The following ZNF30 variants were observed in gnomAD, a reference collection of about 807,000 sequenced individuals.
The protein encoded by ZNF30 is zinc finger protein 30 (KOX 28).
ZNF30 carries 15 observed loss-of-function variants against 13.2 expected under a neutral mutation model. The ratio of observed to expected loss-of-function variants is 1.13; its 90% CI spans 0.76 to 1.75. The LOEUF (loss-of-function observed/expected upper bound fraction) is 1.75, where lower values mean the gene tolerates loss of function less well. Among genes scored for constraint, ZNF30 ranks in the 40% most tolerant of loss-of-function variants. The pLI is 0.00. For missense variants in ZNF30, 726 were observed against 757.0 expected (o/e 0.96, Z 0.48); for synonymous variants, 223 against 256.6 (o/e 0.87, Z 1.25).
rs921249374 is a variant in ZNF30 at position 34,927,219 on chromosome 19, G to A, written c.-65+3G>A. On this transcript the variant is annotated splice_donor_region_variant and intron_variant, in intron 1 of 4. Transcript: ENST00000601142. ...GCGGAACCCGGACTGAGACATGCGTGAGCGTTGGGTGGACCGGGCGAGGAT... is the reference window on the plus strand; with the variant it reads ...GCGGAACCCGGACTGAGACATGCGTAAGCGTTGGGTGGACCGGGCGAGGAT... 29 of 382,784 alleles carry A rather than the reference G, an allele frequency of 7.6e-5. No individual in the cohort carries two copies. Among genetic ancestry groups the A allele is most frequent in the African/African-American group, 6.0e-4 (29 of 48,162 alleles). The allele number at this position is 382,784 out of a possible 1,614,324, so 23.7% of individuals were successfully genotyped here.
chr19:34,944,113 C>A lies in ZNF30; in HGVS notation c.1147C>A (p.Arg383Ser), dbSNP rs549289579. The change falls in exon 5 of 5, where the codon CGT becomes AGT. Residue 383 changes from arginine to serine, a missense_variant. Transcript: ENST00000601142. ...GCKECGRTFS[R>S]ASYLVQHGRL... ...CAAGGAATGCGGGAGAACCTTCAGT[C>A]GTGCCTCATATCTTGTTCAACATGG... 1 of 1,613,262 alleles carries A rather than the reference C, an allele frequency of 6.2e-7. No individual in the cohort carries two copies. The highest frequency in any genetic ancestry group is 8.5e-7 in the Non-Finnish European group (1 of 1,179,618).
chr19:34,941,894 A>G (rs10422037), intron 4 of ZNF30, among the ~76,000 whole-genome samples: 30,652 of 152,084 alleles, frequency 0.2, 3,291 homozygotes, highest in East Asian at 0.38. Context: ...ATCAGCAGAT[A>G]TCTAATGTCT....
At chr19:34,931,730 C>A in intron 2 of ZNF30, 113 bp from the exon 3 acceptor site, 1 of 1,067,514 alleles carries the variant, frequency 9.4e-7, no homozygotes, top group Non-Finnish European at 1.3e-6. Flanking sequence ...CATCCACTTG[C>A]CACATCATAA....
At chr19:34,926,605 G>A (rs2151659685), upstream of ZNF30, 2 of 182,756 alleles carry the variant, frequency 1.1e-5, no homozygotes, top group East Asian at 1.3e-4. Context: ...TTTCTGTAGC[G>A]AAAAGCAAAC....
intron 2 of ZNF30, among the ~76,000 whole-genome samples, chr19:34,931,202 TA>T (rs2012434446): frequency 1.3e-5 from 2 of 152,096 alleles, no homozygotes; most frequent in Admixed American, 1.3e-4. Flanking sequence ...AACGCCCAGC[TA>T]ATTTTTGTAT....
upstream of ZNF30, among the ~76,000 whole-genome samples, chr19:34,925,464 C>T (rs1600211057): frequency 6.6e-6 from 1 of 152,228 alleles, no homozygotes; most frequent in East Asian, 1.9e-4. Context: ...ACTCCGCGTC[C>T]TTCTGGTGGG....
upstream of ZNF30, among the ~76,000 whole-genome samples, chr19:34,925,214 C>T (rs1343036741): frequency 2.6e-5 from 4 of 152,190 alleles, no homozygotes; most frequent in African/African-American, 9.7e-5. Context: ...TGTCCGCAGG[C>T]GGCTTATGTT....
rs1039596431 is a variant in ZNF30, at chr19:34,931,994, G to A, written c.160+1G>A. The A allele has an allele frequency of 1.1e-5, 17 of 1,587,274 alleles. No homozygotes were observed. Among genetic ancestry groups the A allele is most frequent in the Non-Finnish European group, 1.3e-5 (15 of 1,170,336 alleles). The stretch of plus-strand genomic sequence containing the variant: ...AACTACAGGAACTTGGTGTCAATGG[G>A]TAAGTGTACTTCTCTCAAATAATTG... On this transcript the variant is annotated splice_donor_variant, in intron 3 of 4. Coordinates refer to ENST00000601142, the MANE Select transcript of ZNF30 (RefSeq NM_194325.3). LOFTEE classifies it high-confidence loss of function.
chr19:34,926,683 T>C (rs1001430193), upstream of ZNF30: 6 of 342,528 alleles, frequency 1.8e-5, no homozygotes, highest in Non-Finnish European at 3.1e-5. Flanking sequence ...CATATTTTGG[T>C]ATAGATTATC....
intron 4 of ZNF30, among the ~76,000 whole-genome samples, chr19:34,939,690 T>C (rs2012938291): frequency 6.6e-6 from 1 of 152,156 alleles, no homozygotes; most frequent in South Asian, 2.1e-4. Flanking sequence ...GGTGTGCAGG[T>C]TTTCGAGCAA....
Position 34,931,863 on chromosome 19 carries a change from T to A in ZNF30, c.30T>A (p.Tyr10Ter). Residue 10 changes from tyrosine (Y) to a stop codon, truncating the protein, a stop_gained, in exon 3 of 5, where the codon TAT (tyrosine) becomes TAA (stop). Coordinates refer to ENST00000601142, the MANE Select transcript of ZNF30 (RefSeq NM_194325.3). LOFTEE classifies it high-confidence loss of function. ...ACCAGAAATATGTGGGTTTGCAGTATCACGGATCAGTGACATTTGAGGATG... is the reference window on the plus strand; with the variant it reads ...ACCAGAAATATGTGGGTTTGCAGTAACACGGATCAGTGACATTTGAGGATG... Reference protein sequence around the residue: MAHKYVGLQYHGSVTFEDVA... With the variant: MAHKYVGLQ 1 of 1,611,930 alleles carries A rather than the reference T, an allele frequency of 6.2e-7. No individual in the cohort carries two copies.
chr19:34,928,540 T>G (rs1028022103), intron 1 of ZNF30, among the ~76,000 whole-genome samples: 2 of 151,974 alleles, frequency 1.3e-5, no homozygotes, highest in African/African-American at 4.8e-5. Flanking sequence ...TTGCTATTAC[T>G]CAATTATGGT....
At position 34,933,660 on chromosome 19, in the gene ZNF30, T is replaced by TTATTGGAAC. The variant is rs1354833515; in HGVS notation, c.194_202dup (p.Leu65_Glu67dup). The TTATTGGAAC allele has an allele frequency of 1.2e-6, 2 of 1,601,872 alleles. No individual in the cohort carries two copies. The highest frequency in any genetic ancestry group is 2.3e-5 in the South Asian group (2 of 88,392). On this transcript the variant is annotated inframe_insertion, in exon 4 of 5. Transcript: ENST00000601142. ...CCGTTCTAAACCACATGTGATCGCC[T>TTATTGGAAC]TATTGGAACAATGGAAAGAGCCTGA...
chr19:34,936,050 G>A (rs998443090), intron 4 of ZNF30, among the ~76,000 whole-genome samples: 1 of 152,170 alleles, frequency 6.6e-6, no homozygotes, highest in African/African-American at 2.4e-5. Flanking sequence ...ACAGTATGGG[G>A]GAAACCGCCC....
In ZNF30 at chr19:34,926,918, G is replaced by A. The variant is rs560773718; in HGVS notation, c.-363G>A. On this transcript the variant is annotated 5_prime_UTR_variant, in exon 1 of 5. Transcript: ENST00000601142. ...GGTGGGCGGCCTTGTGGACTGCGCC[G>A]GGCATGCTCGGCGGTGTGACGGCTC... The A allele has an allele frequency of 1.8e-3, 731 of 398,348 alleles. 4 individuals carry two copies. Among genetic ancestry groups the A allele is most frequent in the African/African-American group, 0.012 (595 of 48,724 alleles). 24.7% of individuals were successfully genotyped at this position (398,348 alleles called of 1,614,324 possible). A position where few individuals can be genotyped will look rare whatever the true frequency, so the allele number is the denominator to read the frequency against.
upstream of ZNF30, among the ~76,000 whole-genome samples, chr19:34,926,017 T>G (rs1600211569): frequency 6.6e-6 from 1 of 152,078 alleles, no homozygotes; most frequent in South Asian, 2.1e-4. Flanking sequence ...ACAAAAAATA[T>G]ACAAAAATTA....
At position 34,944,538 on chromosome 19, in the gene ZNF30, C is replaced by T; in HGVS notation, c.1572C>T (p.Gly524=). Residue 524 remains glycine, a synonymous_variant, in exon 5 of 5, where the codon GGC becomes GGT. Coordinates refer to ENST00000601142, the MANE Select transcript of ZNF30 (RefSeq NM_194325.3). ...CKECGKAFSS[G]SYLVQHQRIH... is the part of the protein sequence containing the mutation. ...AGTGTGGCAAGGCCTTCAGTTCTGGCTCATACCTTGTTCAGCATCAAAGAA... is the reference window on the plus strand; with the variant it reads ...AGTGTGGCAAGGCCTTCAGTTCTGGTTCATACCTTGTTCAGCATCAAAGAA... The T allele has an allele frequency of 6.2e-7, 1 of 1,614,148 alleles. No individual in the cohort carries two copies. Among genetic ancestry groups the T allele is most frequent in the East Asian group, 2.2e-5 (1 of 44,884 alleles).
chr19:34,943,119 T>G, intron 4 of ZNF30, 104 bp from the exon 5 acceptor site: 3 of 787,080 alleles, frequency 3.8e-6, no homozygotes, highest in Non-Finnish European at 5.7e-6. Context: ...TTAATATTAC[T>G]GAGCTATTTA....
Position 34,944,118 on chromosome 19 carries a change from C to T in ZNF30, c.1152C>T (p.Ala384=), listed in dbSNP as rs1293372297. The T allele has an allele frequency of 1.2e-6, 2 of 1,613,650 alleles. No homozygotes were observed. The highest frequency in any genetic ancestry group is 2.2e-5 in the South Asian group (2 of 91,062). ...CKECGRTFSR[A]SYLVQHGRLH... ...AATGCGGGAGAACCTTCAGTCGTGC[C>T]TCATATCTTGTTCAACATGGAAGAC... The change falls in exon 5 of 5, where the codon GCC becomes GCT. Residue 384 remains alanine, a synonymous_variant. Transcript: ENST00000601142.
Sources: allele counts gnomAD v4.1 joint callset (sites outside exome capture counted in the v4.1 genomes callset), GRCh38; gene constraint gnomAD v4.1.1; transcripts MANE v1.5; gene names NCBI Gene and HGNC (gene_info 2026-07-23, HGNC 2026-07-21).